BACE2: variants seen among roughly 807,000 people sequenced by gnomAD.
The protein encoded by BACE2 is beta-secretase 2.
BACE2 carries 17 observed loss-of-function variants against 46.2 expected under a neutral mutation model. The ratio of observed to expected loss-of-function variants is 0.37; its 90% CI spans 0.25 to 0.55. The LOEUF is 0.55. Among genes scored for constraint, BACE2 ranks in the 20% least tolerant of loss-of-function variants. The probability of loss-of-function intolerance (pLI) is 0.82; values close to 1 mark genes in which losing one functional copy is unlikely to be tolerated. For missense variants in BACE2, 595 were observed against 698.1 expected (o/e 0.85, Z 1.66); for synonymous variants, 277 against 295.9 (o/e 0.94, Z 0.66).
chr21:41,255,120 A>C (rs1987744524), intron 7 of BACE2, among the ~76,000 whole-genome samples: 1 of 152,230 alleles, frequency 6.6e-6, no homozygotes, highest in Non-Finnish European at 1.5e-5. Context: ...GTGAATCATG[A>C]ATTTACTGAG....
chr21:41,240,297 A>C (rs1046011847), intron 3 of BACE2, among the ~76,000 whole-genome samples: 1 of 152,218 alleles, frequency 6.6e-6, no homozygotes, highest in Non-Finnish European at 1.5e-5. Context: ...CTAACACTAT[A>C]GCTGCCTGGG....
intron 2 of BACE2, among the ~76,000 whole-genome samples, chr21:41,227,523 A>G (rs569617126): frequency 1.9e-4 from 29 of 152,326 alleles, no homozygotes; most frequent in African/African-American, 7.0e-4. Context: ...AACCCTGTAT[A>G]TCTATGCTAC....
chr21:41,210,506 G>A (rs781019151), intron 1 of BACE2, among the ~76,000 whole-genome samples: 2 of 152,254 alleles, frequency 1.3e-5, no homozygotes, highest in South Asian at 2.1e-4. Flanking sequence ...ATGGCACAGC[G>A]TCTTCTTTTT....
chr21:41,195,515 A>C (rs916222778), intron 1 of BACE2, among the ~76,000 whole-genome samples: 2 of 152,190 alleles, frequency 1.3e-5, no homozygotes, highest in South Asian at 4.1e-4. Flanking sequence ...TCTGTGTTTC[A>C]ATTTTAGTGA....
chr21:41,227,292 T>A (rs1347669227), intron 2 of BACE2, among the ~76,000 whole-genome samples: 2 of 152,202 alleles, frequency 1.3e-5, no homozygotes, highest in African/African-American at 4.8e-5. Context: ...TCATGAACCT[T>A]CTAGAGGCTC....
At chr21:41,197,283 T>G (rs569031672) in intron 1 of BACE2, among the ~76,000 whole-genome samples, 8 of 151,922 alleles carry the variant, frequency 5.3e-5, no homozygotes, top group East Asian at 1.9e-4. Flanking sequence ...TTGTTTTTTT[T>G]TTTTTTTAAA....
intron 1 of BACE2, among the ~76,000 whole-genome samples, chr21:41,200,996 C>G (rs1392453423): frequency 2.0e-5 from 3 of 152,232 alleles, no homozygotes; most frequent in African/African-American, 7.2e-5. Context: ...CCAGCTCAGC[C>G]ACTGTCCGCA....
chr21:41,171,720 G>A (rs1984617313), intron 1 of BACE2, among the ~76,000 whole-genome samples: 2 of 152,196 alleles, frequency 1.3e-5, no homozygotes, highest in Admixed American at 6.5e-5. Context: ...TCCAGCTGAA[G>A]ACAGGAGAAG....
At chr21:41,218,869 C>CTT (rs60516597) in intron 1 of BACE2, among the ~76,000 whole-genome samples, 21,389 of 144,966 alleles carry the variant, frequency 0.15, 3,799 homozygotes, top group African/African-American at 0.42. Flanking sequence ...AACATCTTGA[C>CTT]TTTTTTTTTT....
intron 1 of BACE2, among the ~76,000 whole-genome samples, chr21:41,213,628 G>T (rs1471588698): frequency 6.6e-6 from 1 of 152,096 alleles, no homozygotes; most frequent in East Asian, 1.9e-4. Context: ...AAAAAAATTA[G>T]CCAGGCTTGG....
intron 8 of BACE2, among the ~76,000 whole-genome samples, chr21:41,270,000 A>G (rs1030509566): frequency 5.9e-5 from 9 of 152,180 alleles, no homozygotes; most frequent in Non-Finnish European, 1.3e-4. Context: ...CCTCACCAAC[A>G]TTTGGTATGG....
At chr21:41,263,747 C>G (rs952974929) in intron 8 of BACE2, among the ~76,000 whole-genome samples, 1 of 152,174 alleles carries the variant, frequency 6.6e-6, no homozygotes, top group African/African-American at 2.4e-5. Context: ...TCCTTAGTTA[C>G]CGGTAAGACT....
chr21:41,194,561 T>A (rs1601255200), intron 1 of BACE2, among the ~76,000 whole-genome samples: 1 of 152,086 alleles, frequency 6.6e-6, no homozygotes, highest in African/African-American at 2.4e-5. Context: ...AGATAATACT[T>A]CCCCGTTTTC....
chr21:41,263,225 T>C (rs1002923453), intron 8 of BACE2, among the ~76,000 whole-genome samples: 6 of 152,160 alleles, frequency 3.9e-5, no homozygotes, highest in Non-Finnish European at 8.8e-5. Flanking sequence ...TACTCTATAA[T>C]CAACATTCAA....
chr21:41,184,276 G>A (rs941133657), intron 1 of BACE2: 1 of 166,936 alleles, frequency 6.0e-6, no homozygotes, highest in Non-Finnish European at 1.5e-5. Context: ...TCTTTTCCCC[G>A]AGTTACTTCT....
At chr21:41,245,866 G>A (rs1987450368) in intron 5 of BACE2, 96 bp from the exon 6 acceptor site, 2 of 849,816 alleles carry the variant, frequency 2.4e-6, no homozygotes, top group South Asian at 3.3e-5. Flanking sequence ...GCCTGGATTT[G>A]TGTGTAACAG....
intron 1 of BACE2, among the ~76,000 whole-genome samples, chr21:41,198,845 C>G (rs559124435): frequency 7.1e-6 from 1 of 141,426 alleles, no homozygotes; most frequent in East Asian, 2.1e-4. Flanking sequence ...GATCTCTGTA[C>G]GCTTTTTATT....
intron 1 of BACE2, among the ~76,000 whole-genome samples, chr21:41,224,502 T>C (rs1986752490): frequency 6.6e-6 from 1 of 152,226 alleles, no homozygotes; most frequent in Non-Finnish European, 1.5e-5. Flanking sequence ...TTTGATTTCT[T>C]TAGTCTATAG....
chr21:41,169,449 G>GA (rs34570194), intron 1 of BACE2, among the ~76,000 whole-genome samples: 1,859 of 129,804 alleles, frequency 0.014, 30 homozygotes, highest in African/African-American at 0.042. Flanking sequence ...ACAGTGATCT[G>GA]AAAAAAAAAA....
Sources: allele counts gnomAD v4.1 joint callset (sites outside exome capture counted in the v4.1 genomes callset), GRCh38; gene constraint gnomAD v4.1.1; transcripts MANE v1.5; gene names NCBI Gene and HGNC (gene_info 2026-07-23, HGNC 2026-07-21).